Variants in KCNQ5 observed in about 807,000 individuals in gnomAD.
KCNQ5 encodes the protein potassium voltage-gated channel subfamily Q member 5.
Under a neutral mutation model 98.2 loss-of-function variants are expected in KCNQ5, and 30 were observed. That is an observed-to-expected ratio of 0.31 (90% CI 0.23 to 0.41). The LOEUF (loss-of-function observed/expected upper bound fraction) is 0.41. KCNQ5 is among the 10% of genes least tolerant of loss of function. The pLI is 1.00. For synonymous variants in KCNQ5, 458 were observed against 449.4 expected, an observed-to-expected ratio of 1.02 and a Z score of -0.24; for missense variants, 835 against 1,182.5, an observed-to-expected ratio of 0.71 and a Z score of 4.31.
At chr6:73,165,717 G>C (rs1777766678) in intron 10 of KCNQ5, among the ~76,000 whole-genome samples, 1 of 152,012 alleles carries the variant, frequency 6.6e-6, no homozygotes. Flanking sequence ...GGCTGAGGTG[G>C]GCAGATCACC....
intron 9 of KCNQ5, among the ~76,000 whole-genome samples, chr6:73,125,928 A>G (rs1775972515): frequency 6.6e-6 from 1 of 152,198 alleles, no homozygotes; most frequent in South Asian, 2.1e-4. Context: ...TTTTGACCAA[A>G]GAGAGGTTCT....
intron 1 of KCNQ5, among the ~76,000 whole-genome samples, chr6:72,735,430 C>T (rs6922479): frequency 0.37 from 56,677 of 152,056 alleles, 14,020 homozygotes; most frequent in African/African-American, 0.68. Flanking sequence ...TTATAATAAA[C>T]AGCTTCCAAT....
intron 5 of KCNQ5, among the ~76,000 whole-genome samples, chr6:73,101,682 G>T (rs968082812): frequency 2.0e-5 from 3 of 151,404 alleles, no homozygotes; most frequent in African/African-American, 7.3e-5. Context: ...AAATACCTAG[G>T]AATTAACCAG....
Position 72,926,109 on chromosome 6 carries a change from G to A in KCNQ5, c.399-77799G>A, listed in dbSNP as rs545397697. Among the ~76,000 whole-genome samples, 18 of 152,204 alleles carry A rather than the reference G, an allele frequency of 1.2e-4. No individual in the cohort carries two copies. In the East Asian group the frequency reaches 3.5e-3, roughly 29 times the overall value. On this transcript the variant is annotated intron_variant, in intron 1 of 13. Coordinates refer to ENST00000370398, the MANE Select transcript of KCNQ5 (RefSeq NM_019842.4). Reference sequence around the variant, plus strand: ...TGTTCTCCTCAACTGTCAAGAGGTGGGGGATTGAGAGCTGAGGCTGAGTGT... The same window carrying A: ...TGTTCTCCTCAACTGTCAAGAGGTGAGGGATTGAGAGCTGAGGCTGAGTGT...
chr6:73,173,759 G>C (rs1411748696), intron 11 of KCNQ5, among the ~76,000 whole-genome samples: 2 of 151,460 alleles, frequency 1.3e-5, no homozygotes, highest in Non-Finnish European at 2.9e-5. Context: ...AGACCAGCCT[G>C]GGCAACATGG....
chr6:72,649,449 G>A (rs909114416), intron 1 of KCNQ5, among the ~76,000 whole-genome samples: 11 of 152,044 alleles, frequency 7.2e-5, no homozygotes, highest in African/African-American at 1.9e-4. Context: ...ATAACTAATG[G>A]TGCAGTTTCT....
intron 1 of KCNQ5, among the ~76,000 whole-genome samples, chr6:72,895,737 C>CATTTA (rs1779227855): frequency 6.7e-6 from 1 of 149,932 alleles, no homozygotes. Context: ...CCATAATAGG[C>CATTTA]CTAATGCATT....
At chr6:72,775,519 T>G (rs1773116804) in intron 1 of KCNQ5, among the ~76,000 whole-genome samples, 1 of 152,176 alleles carries the variant, frequency 6.6e-6, no homozygotes, top group African/African-American at 2.4e-5. Context: ...AGCTGGAACA[T>G]ACCTCTGCCT....
At chr6:73,081,188 T>G (rs894100178) in intron 5 of KCNQ5, among the ~76,000 whole-genome samples, 1 of 152,210 alleles carries the variant, frequency 6.6e-6, no homozygotes. Flanking sequence ...GAGGTTGTGA[T>G]GAAAAGATGT....
At chr6:72,847,103 T>TA (rs1423102293) in intron 1 of KCNQ5, among the ~76,000 whole-genome samples, 2 of 151,898 alleles carry the variant, frequency 1.3e-5, no homozygotes, top group East Asian at 1.9e-4. Flanking sequence ...CATTGTCTCT[T>TA]AAAAAAATAA....
At chr6:72,815,137 C>G (rs9351945) in intron 1 of KCNQ5, among the ~76,000 whole-genome samples, 43,265 of 151,782 alleles carry the variant, frequency 0.29, 6,341 homozygotes, top group Admixed American at 0.39. Context: ...AGATGCAAAG[C>G]AGAATCAGCT....
intron 1 of KCNQ5, among the ~76,000 whole-genome samples, chr6:72,883,900 A>G (rs778275821): frequency 8.5e-5 from 13 of 152,244 alleles, no homozygotes; most frequent in Non-Finnish European, 1.5e-4. Flanking sequence ...TACAAGTACC[A>G]TTGAATAAGT....
At chr6:72,949,408 G>T (rs1766696819) in intron 1 of KCNQ5, among the ~76,000 whole-genome samples, 2 of 152,316 alleles carry the variant, frequency 1.3e-5, no homozygotes, top group South Asian at 4.1e-4. Context: ...TAAAGTGGTA[G>T]ACAAGGACAG....
chr6:72,736,539 G>A (rs1178566832), intron 1 of KCNQ5, among the ~76,000 whole-genome samples: 19 of 126,868 alleles, frequency 1.5e-4, no homozygotes, highest in Admixed American at 8.7e-4. Context: ...TCGCTCTGTC[G>A]CCCAGGCTGG....
chr6:72,942,604 G>A (rs1004253289), intron 1 of KCNQ5, among the ~76,000 whole-genome samples: 2 of 152,180 alleles, frequency 1.3e-5, no homozygotes, highest in African/African-American at 2.4e-5. Context: ...ATTATTTTGG[G>A]AAAATTTGAA....
At position 72,986,771 on chromosome 6, in the gene KCNQ5, G is replaced by A. The variant is rs1046996700; in HGVS notation, c.399-17137G>A. ...AACCTCCCCAGACCCCAGACAGGGT[G>A]AAGAGGAAACCAGAGTTGGCAAGAA... is the stretch of plus-strand genomic sequence containing the variant. On this transcript the variant is annotated intron_variant, in intron 1 of 13. Coordinates refer to ENST00000370398, the MANE Select transcript of KCNQ5 (RefSeq NM_019842.4). The A allele has an allele frequency of 3.4e-6, 5 of 1,480,024 alleles. No individual in the cohort carries two copies. The Admixed American group carries it at 6.7e-5, about 20-fold the overall frequency. The allele number at this position is 1,480,024 out of a possible 1,614,324, so 91.7% of individuals were successfully genotyped here. A position where few individuals can be genotyped will look rare whatever the true frequency, so the allele number is the denominator to read the frequency against.
At chr6:72,800,474 C>G (rs1774584532) in intron 1 of KCNQ5, among the ~76,000 whole-genome samples, 1 of 151,940 alleles carries the variant, frequency 6.6e-6, no homozygotes, top group East Asian at 1.9e-4. Flanking sequence ...TGGTGATATC[C>G]CCTTTATCAG....
intron 3 of KCNQ5, among the ~76,000 whole-genome samples, chr6:73,050,308 AAGGG>A (rs200159978): frequency 0.099 from 11,303 of 113,958 alleles, 1,552 homozygotes; most frequent in Middle Eastern, 0.18. Flanking sequence ...GGAAGGAAGG[AAGGG>A]AGGGAAGAAG....
chr6:72,947,177 A>G (rs1030596517), intron 1 of KCNQ5, among the ~76,000 whole-genome samples: 3 of 152,174 alleles, frequency 2.0e-5, no homozygotes, highest in African/African-American at 7.2e-5. Context: ...GAAAAGGTAA[A>G]CAATTTTTCT....
Sources: gnomAD v4.1 joint callset for allele counts (sites outside exome capture counted in the v4.1 genomes callset) on GRCh38, gnomAD v4.1.1 for gene constraint, MANE v1.5 for transcripts, NCBI Gene and HGNC (gene_info 2026-07-23, HGNC 2026-07-21) for gene names.